Variants in DMD observed in about 807,000 individuals in gnomAD.
DMD encodes mutant dystrophin.
Under a neutral mutation model 330.1 loss-of-function variants are expected in DMD, and 63 were observed. The ratio of observed to expected loss-of-function variants is 0.19; its 90% CI spans 0.16 to 0.24. The LOEUF (loss-of-function observed/expected upper bound fraction) is 0.24. Among genes scored for constraint, DMD ranks in the 10% least tolerant of loss-of-function variants. The pLI, the probability that DMD is intolerant of heterozygous loss-of-function variation, is 1.00. For missense variants in DMD, 3,344 were observed against 2,684.1 expected (o/e 1.25, Z -5.43); for synonymous variants, 1,223 against 959.8 (o/e 1.27, Z -5.07).
intron 63 of DMD, among the ~76,000 whole-genome samples, chrX:31,228,442 C>A (rs1204537456): frequency 9.1e-6 from 1 of 110,175 alleles, no homozygotes; most frequent in Non-Finnish European, 1.9e-5. Flanking sequence ...TGTTTGAGTC[C>A]GCATGTGTTG....
intron 52 of DMD, among the ~76,000 whole-genome samples, chrX:31,718,042 C>T (rs1248331253): frequency 1.8e-5 from 2 of 111,612 alleles, no homozygotes; most frequent in East Asian, 5.6e-4. Flanking sequence ...TCCTATGACC[C>T]AGGGTTAGAC....
intron 44 of DMD, among the ~76,000 whole-genome samples, chrX:32,072,429 G>GA (rs201020107): frequency 0.15 from 15,311 of 103,346 alleles, 1,277 homozygotes; most frequent in East Asian, 0.54. Context: ...TTCTATTTGG[G>GA]AAAAAAAAAA....
chrX:31,224,565 T>C (rs956728617), intron 63 of DMD, among the ~76,000 whole-genome samples: 2 of 112,002 alleles, frequency 1.8e-5, no homozygotes, highest in Non-Finnish European at 3.8e-5. Flanking sequence ...TACGACAACT[T>C]TGGGAAACCA....
At chrX:32,155,366 C>G in intron 44 of DMD, 1 of 748,257 alleles carries the variant, frequency 1.3e-6, no homozygotes, top group Non-Finnish European at 1.6e-6. Flanking sequence ...GACACACTTG[C>G]CTACCTTAAT....
intron 11 of DMD, among the ~76,000 whole-genome samples, chrX:32,634,441 G>A (rs1022058182): frequency 2.7e-5 from 3 of 111,768 alleles, no homozygotes; most frequent in Admixed American, 9.5e-5. Context: ...GAATGTACTG[G>A]GTCACACCTG....
intron 1 of DMD, among the ~76,000 whole-genome samples, chrX:33,227,546 T>A (rs1025806953): frequency 2.7e-5 from 3 of 111,069 alleles, no homozygotes; most frequent in African/African-American, 9.8e-5. Context: ...CGTGATTATA[T>A]GAAAGTTCTG....
intron 59 of DMD, among the ~76,000 whole-genome samples, chrX:31,454,322 A>G (rs2065994950): frequency 9.0e-6 from 1 of 111,226 alleles, no homozygotes; most frequent in Non-Finnish European, 1.9e-5. Context: ...TTCTATTTTT[A>G]CTAGAGACTG....
chrX:32,394,228 A>C (rs1294871513), intron 30 of DMD, among the ~76,000 whole-genome samples: 1 of 111,993 alleles, frequency 8.9e-6, no homozygotes, highest in Admixed American at 9.5e-5. Flanking sequence ...ACAGGAGGAG[A>C]GGTGGCTCTT....
rs941084428 is a variant in DMD, at chrX:32,082,271, C to T, written c.6439-113757G>A. Reference sequence around the variant, plus strand: ...ACAGGATCTCACTCTGTCACCCAGGCTGGAGTGCAGTGGCAGGAGGGAGCA... The same window carrying T: ...ACAGGATCTCACTCTGTCACCCAGGTTGGAGTGCAGTGGCAGGAGGGAGCA... On this transcript the variant is annotated intron_variant, in intron 44 of 78. Coordinates refer to ENST00000357033, the MANE Select transcript of DMD (RefSeq NM_004006.3). Among the ~76,000 whole-genome samples the T allele has an allele frequency of 2.7e-5, 3 of 111,174 alleles. No homozygotes were observed. The East Asian group carries it at 8.5e-4, about 32-fold the overall frequency.
chrX:33,282,573 T>C (rs2053352588), intron 1 of DMD, among the ~76,000 whole-genome samples: 1 of 111,889 alleles, frequency 8.9e-6, no homozygotes, highest in Admixed American at 9.5e-5. Context: ...ACAAAGAGGC[T>C]TCCGAGGTTG....
intron 64 of DMD, among the ~76,000 whole-genome samples, chrX:31,218,235 T>TC (rs55837768): frequency 0.018 from 1,973 of 109,209 alleles, 16 homozygotes; most frequent in Middle Eastern, 0.033. Context: ...TTTTTTTTTT[T>TC]CCATAGTATA....
intron 1 of DMD, among the ~76,000 whole-genome samples, chrX:33,132,884 G>A (rs1174949475): frequency 3.6e-5 from 4 of 111,345 alleles, no homozygotes; most frequent in Non-Finnish European, 7.5e-5. Context: ...TCCACTACAA[G>A]GTGTTTACCA....
intron 9 of DMD, among the ~76,000 whole-genome samples, chrX:32,692,119 T>TA (rs1349745898): frequency 8.9e-6 from 1 of 112,119 alleles, no homozygotes; most frequent in Non-Finnish European, 1.9e-5. Context: ...ATTTTACACT[T>TA]AAAAATCAGT....
At chrX:31,178,572 G>A in intron 70 of DMD, 97 bp downstream of exon 70, 5 of 1,091,285 alleles carry the variant, frequency 4.6e-6, no homozygotes, top group Non-Finnish European at 6.0e-6. Flanking sequence ...AGAAATAGAA[G>A]AGACTGTTTG....
intron 17 of DMD, among the ~76,000 whole-genome samples, chrX:32,542,794 C>T (rs1179502946): frequency 8.9e-6 from 1 of 111,830 alleles, no homozygotes; most frequent in Non-Finnish European, 1.9e-5. Flanking sequence ...TTGCTATCTT[C>T]GTTCAGTCTA....
intron 33 of DMD, among the ~76,000 whole-genome samples, chrX:32,381,116 T>C (rs1358406706): frequency 9.0e-6 from 1 of 111,646 alleles, no homozygotes; most frequent in South Asian, 3.7e-4. Context: ...AAAATGAAGA[T>C]AGAAGATTAA....
At chrX:31,644,105 C>A (rs896623924) in intron 54 of DMD, among the ~76,000 whole-genome samples, 2 of 111,462 alleles carry the variant, frequency 1.8e-5, no homozygotes, top group African/African-American at 6.5e-5. Context: ...TTTTCAAAAG[C>A]AAACTTTGGC....
chrX:32,865,606 G>C (rs933290429), intron 2 of DMD, among the ~76,000 whole-genome samples: 7 of 112,446 alleles, frequency 6.2e-5, no homozygotes, highest in African/African-American at 2.3e-4. Flanking sequence ...GTACCGACTT[G>C]ATTAACCACC....
At chrX:31,676,422 T>C (rs2082082406) in intron 53 of DMD, among the ~76,000 whole-genome samples, 1 of 112,602 alleles carries the variant, frequency 8.9e-6, no homozygotes, top group African/African-American at 3.2e-5. Flanking sequence ...AGTTTGCAAT[T>C]ATTGTTTTAT....
Sources: gnomAD v4.1 joint callset for allele counts (sites outside exome capture counted in the v4.1 genomes callset) on GRCh38, gnomAD v4.1.1 for gene constraint, MANE v1.5 for transcripts, NCBI Gene and HGNC (gene_info 2026-07-23, HGNC 2026-07-21) for gene names.